SASH1: variants seen among roughly 807,000 people sequenced by gnomAD.
The protein encoded by SASH1 is SAM and SH3 domain containing 1.
Under a neutral mutation model 125.2 loss-of-function variants are expected in SASH1, and 44 were observed. The observed-to-expected ratio is 0.35, with a 90% CI of 0.28 to 0.45. SASH1 has a LOEUF of 0.45. SASH1 is among the 20% of genes least tolerant of loss of function. The probability of loss-of-function intolerance (pLI) is 1.00; values close to 1 mark genes in which losing one functional copy is unlikely to be tolerated. For missense variants in SASH1, 1,426 were observed against 1,614.5 expected, an observed-to-expected ratio of 0.88 and a Z score of 2.00; for synonymous variants, 639 against 649.1, an observed-to-expected ratio of 0.98 and a Z score of 0.24.
At chr6:148,323,073 G>C (rs1270666976) in intron 1 of SASH1, among the ~76,000 whole-genome samples, 1 of 149,700 alleles carries the variant, frequency 6.7e-6, no homozygotes, top group South Asian at 2.1e-4. Flanking sequence ...CGTCACCCAG[G>C]ACCTCAGCTC....
At chr6:148,515,179 A>G (rs1780369590) in intron 9 of SASH1, among the ~76,000 whole-genome samples, 1 of 152,244 alleles carries the variant, frequency 6.6e-6, no homozygotes, top group South Asian at 2.1e-4. Flanking sequence ...CCAAAAAGGT[A>G]AAATGAAAGA....
intron 16 of SASH1, among the ~76,000 whole-genome samples, chr6:148,536,374 T>C (rs1243779038): frequency 1.3e-5 from 2 of 152,186 alleles, no homozygotes; most frequent in Non-Finnish European, 2.9e-5. Flanking sequence ...AATTTCACTC[T>C]CGTTGCCCAA....
upstream of SASH1, among the ~76,000 whole-genome samples, chr6:148,341,597 A>AT (rs570127894): frequency 4.2e-4 from 64 of 152,300 alleles, no homozygotes; most frequent in African/African-American, 1.5e-3. Flanking sequence ...ACAGCACTTA[A>AT]TACTTGAACA....
At position 148,298,081 on chromosome 6, in the gene SASH1, G is replaced by T. The variant is rs1301598574; in HGVS notation, n.74+25704G>T. Among the ~76,000 whole-genome samples the T allele has an allele frequency of 2.0e-5, 3 of 148,170 alleles. No individual in the cohort carries two copies. The Admixed American group carries it at 2.1e-4, about 10-fold the overall frequency. On this transcript the variant is annotated intron_variant and non_coding_transcript_variant, in intron 1 of 3. Coordinates refer to the SASH1 transcript ENST00000367469. Reference sequence around the variant, plus strand: ...GACTCCAGTGGCACGGTCTTGGCTCGCTGCAACCTCTGCCTCCTGGGTTCA... The same window carrying T: ...GACTCCAGTGGCACGGTCTTGGCTCTCTGCAACCTCTGCCTCCTGGGTTCA...
intron 4 of SASH1, among the ~76,000 whole-genome samples, chr6:148,444,222 A>G (rs560166334): frequency 6.6e-6 from 1 of 152,290 alleles, no homozygotes; most frequent in Admixed American, 6.5e-5. Context: ...AACCTATTCT[A>G]AGGGAGGTAT....
upstream of SASH1, among the ~76,000 whole-genome samples, chr6:148,267,387 G>T (rs988999632): frequency 2.0e-5 from 3 of 150,194 alleles, no homozygotes; most frequent in Non-Finnish European, 4.5e-5. Flanking sequence ...GTGTGTGTGT[G>T]TGTGTGTGTG....
rs1783488384 is a variant in SASH1, at chr6:148,387,625, TTTCTTTCTTTCTTTCTTTCTTTCTTTC to T, written c.157-2506_157-2480del. The stretch of plus-strand genomic sequence containing the variant: ...CTTTCTTTCTTTCTTTCTTTCTTTC[TTTCTTTCTTTCTTTCTTTCTTTCTTTC>T]TTTCTTTCTTTCTTTCTTTCTTTCT... On this transcript the variant is annotated intron_variant, in intron 1 of 19. Coordinates refer to ENST00000367467, the MANE Select transcript of SASH1 (RefSeq NM_015278.5). 3.1e-5 allele frequency among the ~76,000 whole-genome samples: 2 copies of T among 63,728 alleles called. 1 individual carries two copies. Among genetic ancestry groups the T allele is most frequent in the Non-Finnish European group, 6.2e-5 (2 of 32,492 alleles). 41.8% of individuals were successfully genotyped at this position (63,728 alleles called of 152,430 possible).
rs200129121 is a variant in SASH1 at position 148,356,070 on chromosome 6, G to GTT, written c.156+12861_156+12862dup. Among the ~76,000 whole-genome samples, 1,145 of 139,772 alleles carry GTT rather than the reference G, an allele frequency of 8.2e-3. 12 individuals carry two copies. Among genetic ancestry groups the GTT allele is most frequent in the African/African-American group, 0.025 (948 of 37,616 alleles). 91.7% of individuals were successfully genotyped at this position (139,772 alleles called of 152,430 possible). The stretch of plus-strand genomic sequence containing the variant: ...CCCCCAAAGTCCATTGTATCATTCT[G>GTT]TTTTTTTTTTTTTTTCTTTTCTTTT... On this transcript the variant is annotated intron_variant, in intron 1 of 19. Transcript: ENST00000367467.
At chr6:148,193,879 A>T in the SASH1 span, among the ~76,000 whole-genome samples, 1 of 152,184 alleles carries the variant, frequency 6.6e-6, no homozygotes, top group African/African-American at 2.4e-5. Context: ...AGGCTTTATG[A>T]CTTTGTGGAA....
In SASH1 at chr6:148,283,056, TGGGG is replaced by T. The variant is rs1228655813; in HGVS notation, n.74+10680_74+10683del. 8.5e-5 allele frequency among the ~76,000 whole-genome samples: 13 copies of T among 152,192 alleles called. 1 individual carries two copies. Among genetic ancestry groups the T allele is most frequent in the African/African-American group, 3.1e-4 (13 of 41,436 alleles). The stretch of plus-strand genomic sequence containing the variant: ...AAGCCAACTGCTTCCCAATTTCATC[TGGGG>T]ACTCCCTGCCAGAAAGCTTAGAATG... On this transcript the variant is annotated intron_variant and non_coding_transcript_variant, in intron 1 of 3. Coordinates refer to the SASH1 transcript ENST00000367469.
Position 148,343,007 on chromosome 6 carries a change from C to A in SASH1, c.-61C>A. 1.8e-6 allele frequency: 2 copies of A among 1,109,218 alleles called. No individual in the cohort carries two copies. Among genetic ancestry groups the A allele is most frequent in the Non-Finnish European group, 2.2e-6 (2 of 910,282 alleles). 68.7% of individuals were successfully genotyped at this position (1,109,218 alleles called of 1,614,324 possible). A position where few individuals can be genotyped will look rare whatever the true frequency, so the allele number is the denominator to read the frequency against. ...ACCCGGCATCCGGGCAGGCTGCGCG[C>A]GGGTGCGGGGCGAGGGCGCCGCGGG... On this transcript the variant is annotated 5_prime_UTR_variant, in exon 1 of 20. Coordinates refer to ENST00000367467, the MANE Select transcript of SASH1 (RefSeq NM_015278.5).
intron 1 of SASH1, among the ~76,000 whole-genome samples, chr6:148,372,574 A>G (rs982577843): frequency 6.6e-6 from 1 of 152,208 alleles, no homozygotes; most frequent in Non-Finnish European, 1.5e-5. Context: ...AAAAGTAGAT[A>G]TGCTACTTAG....
At chr6:148,462,060 G>A (rs559709799) in intron 4 of SASH1, among the ~76,000 whole-genome samples, 1 of 152,240 alleles carries the variant, frequency 6.6e-6, no homozygotes, top group Non-Finnish European at 1.5e-5. Context: ...AGAAAAGGCT[G>A]CTACTGGCTT....
In SASH1 at chr6:148,549,814, C is replaced by CTTT; in HGVS notation, c.*1266_*1268dup. The CTTT allele has an allele frequency of 1.3e-5, 4 of 308,904 alleles. No homozygotes were observed. The highest frequency in any genetic ancestry group is 1.8e-5 in the Non-Finnish European group (3 of 171,398). The allele number at this position is 308,904 out of a possible 1,614,324, so 19.1% of individuals were successfully genotyped here. On this transcript the variant is annotated 3_prime_UTR_variant, in exon 20 of 20. Coordinates refer to ENST00000367467, the MANE Select transcript of SASH1 (RefSeq NM_015278.5). ...ACAACTGATTTCAGCACATTCTATC[C>CTTT]TTTTTTTTTTTTGAAATGGAGTTTC...
In SASH1 at chr6:148,387,609, T is replaced by C. The variant is rs368468094; in HGVS notation, c.157-2525T>C. Among the ~76,000 whole-genome samples the C allele has an allele frequency of 2.3e-3, 67 of 29,242 alleles. 6 individuals carry two copies. Among genetic ancestry groups the C allele is most frequent in the African/African-American group, 6.6e-3 (39 of 5,950 alleles). 19.2% of individuals were successfully genotyped at this position (29,242 alleles called of 152,430 possible). ...CTTTCTTTCTTTCTTTCTTTCTTTC[T>C]TTCTTTCTTTCTTTCTTTCTTTCTT... is the stretch of plus-strand genomic sequence containing the variant. On this transcript the variant is annotated intron_variant, in intron 1 of 19. Transcript: ENST00000367467.
rs536679779 is a variant in SASH1 at position 148,543,909 on chromosome 6, C to T, written c.2439C>T (p.Ser813=). 6.2e-7 allele frequency: 1 copy of T among 1,614,212 alleles called. No individual in the cohort carries two copies. Among genetic ancestry groups the T allele is most frequent in the Admixed American group, 1.7e-5 (1 of 60,028 alleles). ...GVTGLNKNRR[S]LPVSICRSCE... ...CTGGTTTGAATAAAAACCGAAGAAG[C>T]CTCCCAGTTTCCATCTGCCGGAGCT... The change falls in exon 18 of 20, where the codon AGC becomes AGT. Residue 813 remains serine, a synonymous_variant. Transcript: ENST00000367467.
intron 2 of SASH1, among the ~76,000 whole-genome samples, chr6:148,424,025 T>A (rs1775692369): frequency 6.7e-6 from 1 of 148,932 alleles, no homozygotes. Context: ...AAAAAAAAAA[T>A]CCCCATCCCA....
the SASH1 span, among the ~76,000 whole-genome samples, chr6:148,200,012 A>G: frequency 2.0e-5 from 3 of 152,314 alleles, no homozygotes; most frequent in South Asian, 6.2e-4. Flanking sequence ...AGTATTTCTC[A>G]TCTGCGACCC....
intron 4 of SASH1, among the ~76,000 whole-genome samples, chr6:148,451,954 G>GGCCT (rs1395025123): frequency 2.6e-5 from 4 of 152,046 alleles, no homozygotes; most frequent in Admixed American, 1.3e-4. Context: ...CTGCGCCTGG[G>GGCCT]GCCTGTGTGT....
Sources: allele counts gnomAD v4.1 joint callset (sites outside exome capture counted in the v4.1 genomes callset), GRCh38; gene constraint gnomAD v4.1.1; transcripts MANE v1.5; gene names NCBI Gene and HGNC (gene_info 2026-07-23, HGNC 2026-07-21).